The following CPNE4 variants were observed in gnomAD, a reference collection of about 807,000 sequenced individuals.
The protein encoded by CPNE4 is copine 4, also known as copine-4.
In CPNE4, 25 loss-of-function variants were observed where a neutral mutation model predicts 67.9. The ratio of observed to expected loss-of-function variants is 0.37; its 90% CI spans 0.27 to 0.51. The LOEUF (loss-of-function observed/expected upper bound fraction) is 0.51, where lower values mean the gene tolerates loss of function less well. Among genes scored for constraint, CPNE4 ranks in the 20% least tolerant of loss-of-function variants. CPNE4 has a pLI of 0.93. For missense variants in CPNE4, 464 were observed against 690.8 expected (o/e 0.67, Z 3.68); for synonymous variants, 242 against 244.9 (o/e 0.99, Z 0.11).
chr3:131,801,409 T>G (rs2084112059), intron 2 of CPNE4, among the ~76,000 whole-genome samples: 1 of 85,454 alleles, frequency 1.2e-5, no homozygotes, highest in Non-Finnish European at 2.4e-5. Flanking sequence ...TATAGGTACA[T>G]ATATACGTGT....
chr3:131,922,582 G>A (rs1007924498), intron 1 of CPNE4, among the ~76,000 whole-genome samples: 9 of 152,158 alleles, frequency 5.9e-5, no homozygotes, highest in Non-Finnish European at 5.9e-5. Flanking sequence ...GCATCTGGAG[G>A]GCATGAGATG....
chr3:131,867,599 C>G (rs1465486710), intron 2 of CPNE4, among the ~76,000 whole-genome samples: 1 of 152,096 alleles, frequency 6.6e-6, no homozygotes, highest in African/African-American at 2.4e-5. Flanking sequence ...TCAGAAAATG[C>G]TAGTAACTTT....
chr3:131,595,569 G>A (rs1330329597), intron 7 of CPNE4, among the ~76,000 whole-genome samples: 1 of 152,296 alleles, frequency 6.6e-6, no homozygotes, highest in East Asian at 1.9e-4. Context: ...CAGGAAGCTT[G>A]CAATCATGGT....
chr3:132,025,953 G>A (rs771556397), intron 1 of CPNE4, among the ~76,000 whole-genome samples: 2 of 152,076 alleles, frequency 1.3e-5, no homozygotes, highest in Non-Finnish European at 2.9e-5. Flanking sequence ...CAACACACAC[G>A]TAGTCAAAAT....
intron 9 of CPNE4, among the ~76,000 whole-genome samples, chr3:131,581,325 A>T (rs977845806): frequency 5.9e-5 from 9 of 152,110 alleles, no homozygotes; most frequent in Admixed American, 2.6e-4. Context: ...GATGATCCTA[A>T]CCTATCAGCG....
At chr3:131,782,952 C>T (rs1265228845) in intron 2 of CPNE4, among the ~76,000 whole-genome samples, 1 of 151,858 alleles carries the variant, frequency 6.6e-6, no homozygotes, top group East Asian at 1.9e-4. Flanking sequence ...GAGAGGGGCT[C>T]AGTTATAGTT....
At chr3:131,792,925 G>GTGTGTGTGTGTGTGTATATA (rs58502463) in intron 2 of CPNE4, among the ~76,000 whole-genome samples, 3 of 135,142 alleles carry the variant, frequency 2.2e-5, no homozygotes, top group African/African-American at 5.7e-5. Flanking sequence ...GTGTGTGTGT[G>GTGTGTGTGTGTGTGTATATA]TATCTCCAAC....
intron 2 of CPNE4, among the ~76,000 whole-genome samples, chr3:131,823,899 A>G (rs76450756): frequency 0.024 from 3,584 of 152,306 alleles, 127 homozygotes; most frequent in African/African-American, 0.08. Context: ...ATTTGGGTAC[A>G]ACCAATATTT....
intron 2 of CPNE4, among the ~76,000 whole-genome samples, chr3:131,737,519 A>G (rs2082266043): frequency 6.6e-6 from 1 of 152,198 alleles, no homozygotes; most frequent in Non-Finnish European, 1.5e-5. Context: ...CCATCACACT[A>G]TCATCACTGT....
chr3:131,888,868 A>C (rs2088001140), intron 2 of CPNE4, among the ~76,000 whole-genome samples: 1 of 152,222 alleles, frequency 6.6e-6, no homozygotes, highest in Admixed American at 6.5e-5. Flanking sequence ...GAGAATTGTT[A>C]AATTTTCTTA....
At chr3:131,674,269 A>G (rs1426098219) in intron 6 of CPNE4, among the ~76,000 whole-genome samples, 1 of 151,908 alleles carries the variant, frequency 6.6e-6, no homozygotes, top group Non-Finnish European at 1.5e-5. Context: ...ATTGGCCTGT[A>G]GTTTTCTTTT....
At chr3:131,847,370 G>A (rs2086042611) in intron 2 of CPNE4, among the ~76,000 whole-genome samples, 1 of 152,156 alleles carries the variant, frequency 6.6e-6, no homozygotes, top group South Asian at 2.1e-4. Context: ...GTCTTAGCTA[G>A]TGTAACTAGT....
At chr3:131,662,032 T>A (rs11922968) in intron 7 of CPNE4, among the ~76,000 whole-genome samples, 52,901 of 151,938 alleles carry the variant, frequency 0.35, 9,713 homozygotes, top group African/African-American at 0.45. Context: ...GGTTGGAACT[T>A]GTCTTTTCCT....
chr3:131,616,032 A>C (rs1043351478), intron 7 of CPNE4, among the ~76,000 whole-genome samples: 7 of 151,910 alleles, frequency 4.6e-5, no homozygotes, highest in Admixed American at 3.9e-4. Flanking sequence ...ATGGTATCTC[A>C]TGCCCATGCT....
At chr3:132,026,823 C>A (rs2074124878) in intron 1 of CPNE4, among the ~76,000 whole-genome samples, 1 of 151,872 alleles carries the variant, frequency 6.6e-6, no homozygotes, top group Admixed American at 6.6e-5. Context: ...GGCCTCTCTT[C>A]TGCCTTATAG....
intron 2 of CPNE4, among the ~76,000 whole-genome samples, chr3:131,845,763 T>C (rs2085972805): frequency 6.6e-6 from 1 of 152,198 alleles, no homozygotes; most frequent in Admixed American, 6.5e-5. Context: ...AAATTATTGG[T>C]ACCTAATCTT....
At chr3:131,764,597 A>G (rs534762855) in intron 2 of CPNE4, among the ~76,000 whole-genome samples, 10 of 152,248 alleles carry the variant, frequency 6.6e-5, no homozygotes, top group African/African-American at 2.4e-4. Context: ...ATACATTGTT[A>G]CACTCCTCTA....
At chr3:131,771,429 C>A (rs2083163393) in intron 2 of CPNE4, among the ~76,000 whole-genome samples, 1 of 152,028 alleles carries the variant, frequency 6.6e-6, no homozygotes, top group South Asian at 2.1e-4. Flanking sequence ...TAGATTAATG[C>A]CCATTTTGGG....
intron 2 of CPNE4, among the ~76,000 whole-genome samples, chr3:131,834,193 C>T (rs2085474827): frequency 6.6e-6 from 1 of 152,074 alleles, no homozygotes; most frequent in Admixed American, 6.6e-5. Context: ...GGTTTAAATT[C>T]CCTTTTTAGA....
Sources: gnomAD v4.1 joint callset for allele counts (sites outside exome capture counted in the v4.1 genomes callset) on GRCh38, gnomAD v4.1.1 for gene constraint, MANE v1.5 for transcripts, NCBI Gene and HGNC (gene_info 2026-07-23, HGNC 2026-07-21) for gene names.